The following TCF7L2 variants were observed in gnomAD, a reference collection of about 807,000 sequenced individuals.
TCF7L2 encodes transcription factor 7-like 2.
TCF7L2 carries 23 observed loss-of-function variants against 77.9 expected under a neutral mutation model. The ratio of observed to expected loss-of-function variants is 0.30; its 90% CI spans 0.21 to 0.42. The LOEUF (loss-of-function observed/expected upper bound fraction) is 0.42. Among genes scored for constraint, TCF7L2 ranks in the 10% least tolerant of loss-of-function variants. TCF7L2 has a pLI of 1.00. For missense variants in TCF7L2, 654 were observed against 793.1 expected (o/e 0.82, Z 2.11); for synonymous variants, 413 against 340.2 (o/e 1.21, Z -2.36).
At chr10:112,964,446 A>G (rs2036029472) in intron 3 of TCF7L2, 110 bp from the exon 4 acceptor site, 2 of 894,038 alleles carry the variant, frequency 2.2e-6, no homozygotes, top group African/African-American at 1.6e-5. Flanking sequence ...TTGAATGCCA[A>G]GGCTGCAGTT....
intron 5 of TCF7L2, among the ~76,000 whole-genome samples, chr10:113,118,922 A>G (rs1387923175): frequency 2.0e-5 from 3 of 152,086 alleles, no homozygotes; most frequent in African/African-American, 4.8e-5. Context: ...TGAAAATGCA[A>G]TTGTAATGAA....
chr10:113,089,304 T>A, intron 5 of TCF7L2: 1 of 1,380,252 alleles, frequency 7.2e-7, no homozygotes. Context: ...AAATGTGGGT[T>A]AGGGCAGAAA....
At position 113,151,540 on chromosome 10, in the gene TCF7L2, T is replaced by C. The variant is rs991613239; in HGVS notation, c.1002-185T>C. Among the ~76,000 whole-genome samples, 5 of 151,978 alleles carry C rather than the reference T, an allele frequency of 3.3e-5. No homozygotes were observed. Among genetic ancestry groups the C allele is most frequent in the Admixed American group, 2.6e-4 (4 of 15,270 alleles). Reference sequence around the variant, plus strand: ...GGAAGTGATTGCAAAATCCCTCTCTTCCCCCAACCCCTCCCCAAGCTATTT... The same window carrying C: ...GGAAGTGATTGCAAAATCCCTCTCTCCCCCCAACCCCTCCCCAAGCTATTT... On this transcript the variant is annotated intron_variant, in intron 9 of 13. Coordinates refer to ENST00000627217, the MANE Select transcript of TCF7L2 (RefSeq NM_001146274.2). The surrounding 1 kb of genome is among the most constrained non-coding windows in gnomAD (Gnocchi z 5.2).
chr10:113,115,529 T>C (rs746517467), intron 5 of TCF7L2, among the ~76,000 whole-genome samples: 8 of 152,200 alleles, frequency 5.3e-5, no homozygotes, highest in Non-Finnish European at 1.0e-4. Flanking sequence ...CAGGTTATTC[T>C]AATTTTTTTT....
chr10:113,068,749 G>A (rs940918193), intron 5 of TCF7L2, among the ~76,000 whole-genome samples: 1 of 151,996 alleles, frequency 6.6e-6, no homozygotes, highest in Non-Finnish European at 1.5e-5. Context: ...CTGGAAGCTC[G>A]TCCCGTCCGC....
In TCF7L2 at chr10:113,151,755, AAAG is replaced by A. The variant is rs745724662; in HGVS notation, c.1039_1041del (p.Lys347del). The A allele has an allele frequency of 6.9e-6, 11 of 1,604,836 alleles. No individual in the cohort carries two copies. Among genetic ancestry groups the A allele is most frequent in the African/African-American group, 1.4e-5 (1 of 73,894 alleles). ...ATCAGGACTCCAAAAAGGAAGAAGA[AAAG>A]AAGAAGCCCCACATAAAGAAACCTC... On this transcript the variant is annotated inframe_deletion, in exon 10 of 14. Transcript: ENST00000627217. The surrounding 1 kb of genome is among the most constrained non-coding windows in gnomAD (Gnocchi z 5.2).
intron 4 of TCF7L2, among the ~76,000 whole-genome samples, chr10:112,969,927 G>A (rs919847045): frequency 2.0e-5 from 3 of 152,172 alleles, no homozygotes; most frequent in African/African-American, 7.2e-5. Context: ...CCTACTCTCA[G>A]CATTATTCCA....
At chr10:113,102,078 C>T (rs2061709438) in intron 5 of TCF7L2, among the ~76,000 whole-genome samples, 1 of 129,240 alleles carries the variant, frequency 7.7e-6, no homozygotes, top group South Asian at 2.6e-4. Context: ...TGCACCACTG[C>T]ACTCCAGCCT....
intron 3 of TCF7L2, among the ~76,000 whole-genome samples, chr10:112,955,113 CT>C (rs1278547488): frequency 6.6e-6 from 1 of 152,020 alleles, no homozygotes; most frequent in Non-Finnish European, 1.5e-5. Flanking sequence ...CACCTCACCC[CT>C]GATTGTTTTG....
At chr10:113,014,331 A>C (rs771709502) in intron 4 of TCF7L2, among the ~76,000 whole-genome samples, 1 of 152,036 alleles carries the variant, frequency 6.6e-6, no homozygotes, top group East Asian at 1.9e-4. Context: ...TGCTAGTTAC[A>C]CTCCTTCTGG....
At chr10:113,126,617 G>T in intron 5 of TCF7L2, 1 of 985,148 alleles carries the variant, frequency 1.0e-6, no homozygotes, top group Non-Finnish European at 1.2e-6. Flanking sequence ...TTGTGGAATC[G>T]GGGGAGATCC....
At position 112,976,481 on chromosome 10, in the gene TCF7L2, T is replaced by C. The variant is rs560011546; in HGVS notation, c.450+11857T>C. On this transcript the variant is annotated intron_variant, in intron 4 of 13. Coordinates refer to ENST00000627217, the MANE Select transcript of TCF7L2 (RefSeq NM_001146274.2). Reference sequence around the variant, plus strand: ...TAGAATATAAGCACTTCTGAAGGGCTAAGATTGTGTCTTACTCAGAGATTG... The same window carrying C: ...TAGAATATAAGCACTTCTGAAGGGCCAAGATTGTGTCTTACTCAGAGATTG... Among the ~76,000 whole-genome samples the C allele has an allele frequency of 2.0e-5, 3 of 152,344 alleles. No individual in the cohort carries two copies. In the South Asian group the frequency reaches 6.2e-4, roughly 32 times the overall value.
intron 5 of TCF7L2, among the ~76,000 whole-genome samples, chr10:113,104,082 C>T (rs2061978746): frequency 6.6e-6 from 1 of 152,202 alleles, no homozygotes; most frequent in African/African-American, 2.4e-5. Flanking sequence ...GAGTTCAGTG[C>T]CTTTGGTCCA....
At chr10:112,980,060 T>C (rs1253543887) in intron 4 of TCF7L2, among the ~76,000 whole-genome samples, 2 of 152,214 alleles carry the variant, frequency 1.3e-5, no homozygotes. Flanking sequence ...GAAAGAATCA[T>C]CTGTTGTGTT....
At chr10:112,961,585 A>G (rs1379678341) in intron 3 of TCF7L2, among the ~76,000 whole-genome samples, 1 of 152,204 alleles carries the variant, frequency 6.6e-6, no homozygotes, top group Non-Finnish European at 1.5e-5. Context: ...GAAAGTATGC[A>G]TTTTCGAAAG....
At chr10:113,127,708 A>ACCC (rs1041849936) in intron 5 of TCF7L2, among the ~76,000 whole-genome samples, 19 of 151,742 alleles carry the variant, frequency 1.3e-4, no homozygotes, top group African/African-American at 4.6e-4. Flanking sequence ...AACTGGGGGC[A>ACCC]CCCTGGGGAT....
At chr10:113,115,924 A>G (rs563863254) in intron 5 of TCF7L2, among the ~76,000 whole-genome samples, 2 of 152,278 alleles carry the variant, frequency 1.3e-5, no homozygotes, top group South Asian at 2.1e-4. Context: ...AAAGTTAAAA[A>G]TAGAAACCTC....
intron 12 of TCF7L2, 71 bp from the exon 14 acceptor site, chr10:113,159,849 T>TCTTTC (rs1242286695): frequency 1.9e-5 from 3 of 161,042 alleles, no homozygotes; most frequent in East Asian, 5.2e-4. Context: ...CCCCCCCTCT[T>TCTTTC]TCTCTCTCTC....
intron 4 of TCF7L2, among the ~76,000 whole-genome samples, chr10:113,026,629 A>G (rs951042770): frequency 1.3e-5 from 2 of 152,190 alleles, no homozygotes; most frequent in African/African-American, 4.8e-5. Flanking sequence ...ATTTCTTGGG[A>G]TCAAGCCCTC....
Sources: gnomAD v4.1 joint callset for allele counts (sites outside exome capture counted in the v4.1 genomes callset) on GRCh38, gnomAD v4.1.1 for gene constraint, Gnocchi (gnomAD v3.1) non-coding constraint, MANE v1.5 for transcripts, NCBI Gene and HGNC (gene_info 2026-07-23, HGNC 2026-07-21) for gene names.